PLAC1: variants seen among roughly 807,000 people sequenced by gnomAD.
The protein encoded by PLAC1 is placenta associated 1.
For missense variants in PLAC1, 136 were observed against 163.2 expected (o/e 0.83, Z 0.91); for synonymous variants, 68 against 62.1 (o/e 1.09, Z -0.44).
At chrX:134,630,839 A>G (rs1359868645) in intron 1 of PLAC1, among the ~76,000 whole-genome samples, 1 of 111,964 alleles carries the variant, frequency 8.9e-6, no homozygotes, top group Non-Finnish European at 1.9e-5. Flanking sequence ...GAATGGTGCA[A>G]ATCAATCACC....
At chrX:134,591,465 T>C (rs2078038964) in intron 2 of PLAC1, among the ~76,000 whole-genome samples, 1 of 112,437 alleles carries the variant, frequency 8.9e-6, no homozygotes. Context: ...ATTTTGGCAC[T>C]CAAGGTAATA....
upstream of PLAC1, among the ~76,000 whole-genome samples, chrX:134,658,751 G>A (rs759706854): frequency 3.6e-5 from 4 of 111,947 alleles, no homozygotes; most frequent in African/African-American, 6.5e-5. Flanking sequence ...GAAGAAGGGC[G>A]GGGAGGAGGG....
chrX:134,682,529 G>A (rs2078501644), intron 2 of PLAC1, among the ~76,000 whole-genome samples: 1 of 110,344 alleles, frequency 9.1e-6, no homozygotes, highest in African/African-American at 3.3e-5. Flanking sequence ...TGCCATGGGT[G>A]TCTCAAGTAC....
chrX:134,650,581 G>A (rs2078357440), intron 1 of PLAC1, among the ~76,000 whole-genome samples: 1 of 111,935 alleles, frequency 8.9e-6, no homozygotes, highest in Non-Finnish European at 1.9e-5. Context: ...CTCCAGGTCT[G>A]TCGTGTCCAC....
At chrX:134,652,444 T>C (rs2078368225) in intron 1 of PLAC1, among the ~76,000 whole-genome samples, 1 of 112,247 alleles carries the variant, frequency 8.9e-6, no homozygotes, top group South Asian at 3.7e-4. Context: ...AGGTGAGTGG[T>C]GCAGCTGGCC....
At chrX:134,607,350 T>A in intron 1 of PLAC1, 1 of 144,132 alleles carries the variant, frequency 6.9e-6, no homozygotes, top group Non-Finnish European at 1.4e-5. Flanking sequence ...GCCTACATTG[T>A]TACCCAGTGT....
intron 1 of PLAC1, among the ~76,000 whole-genome samples, chrX:134,756,146 C>T (rs779226157): frequency 9.0e-4 from 100 of 110,638 alleles, no homozygotes; most frequent in Non-Finnish European, 1.6e-3. Context: ...CCACCACGCC[C>T]GGCCTTCATC....
At chrX:134,596,742 G>A (rs1346482677) in intron 2 of PLAC1, among the ~76,000 whole-genome samples, 1 of 110,151 alleles carries the variant, frequency 9.1e-6, no homozygotes. Flanking sequence ...GACTACAGGT[G>A]TGCACCACCA....
At chrX:134,585,287 C>T (rs762136434) in intron 2 of PLAC1, among the ~76,000 whole-genome samples, 1 of 108,413 alleles carries the variant, frequency 9.2e-6, no homozygotes, top group Non-Finnish European at 1.9e-5. Flanking sequence ...GTGGAGGTTG[C>T]AGTGAGCTGA....
At chrX:134,669,121 G>A (rs1037529873) in intron 2 of PLAC1, among the ~76,000 whole-genome samples, 1 of 111,844 alleles carries the variant, frequency 8.9e-6, no homozygotes, top group African/African-American at 3.3e-5. Context: ...GTTATTAGGG[G>A]TTACCTCTTT....
At chrX:134,733,137 T>G (rs1244550419) in intron 2 of PLAC1, among the ~76,000 whole-genome samples, 1 of 111,502 alleles carries the variant, frequency 9.0e-6, no homozygotes, top group Non-Finnish European at 1.9e-5. Context: ...AGGAAGAGCC[T>G]GAGAAACCAT....
At chrX:134,742,690 G>A (rs765224869) in intron 1 of PLAC1, among the ~76,000 whole-genome samples, 19 of 111,326 alleles carry the variant, frequency 1.7e-4, no homozygotes, top group Non-Finnish European at 3.2e-4. Flanking sequence ...TAAAGTTTTG[G>A]CAATGGTCTC....
chrX:134,566,036 C>G lies in PLAC1; in HGVS notation c.*8G>C, dbSNP rs1437245475. ...AATAGCATCTTCAGGAGACCCCAAA[C>G]CTGAGGATCACATGGACCCAATCAT... On this transcript the variant is annotated 3_prime_UTR_variant, in exon 3 of 3. Coordinates refer to ENST00000359237, the MANE Select transcript of PLAC1 (RefSeq NM_021796.4). The G allele has an allele frequency of 9.2e-6, 11 of 1,197,942 alleles. No individual in the cohort carries two copies. The highest frequency in any genetic ancestry group is 1.2e-5 in the Non-Finnish European group (11 of 885,263).
chrX:134,611,779 G>A (rs1238462915), intron 1 of PLAC1, among the ~76,000 whole-genome samples: 1 of 110,780 alleles, frequency 9.0e-6, no homozygotes, highest in East Asian at 2.8e-4. Flanking sequence ...AAAGGCACGA[G>A]ACACAAGGCA....
At chrX:134,662,841 A>G (rs1021856267), upstream of PLAC1, among the ~76,000 whole-genome samples, 1 of 111,862 alleles carries the variant, frequency 8.9e-6, no homozygotes, top group Non-Finnish European at 1.9e-5. Context: ...AGGCAGGAGA[A>G]TTGCTTGAAC....
intron 2 of PLAC1, among the ~76,000 whole-genome samples, chrX:134,567,793 G>A (rs1417283937): frequency 4.5e-5 from 4 of 88,901 alleles, no homozygotes; most frequent in Non-Finnish European, 8.8e-5. Context: ...AGAAAAGAAA[G>A]GAAAGAAAGA....
At chrX:134,721,807 G>C (rs148658929) in intron 2 of PLAC1, among the ~76,000 whole-genome samples, 1,881 of 109,650 alleles carry the variant, frequency 0.017, 11 homozygotes, top group Middle Eastern at 0.034. Context: ...AGGTTGCAGT[G>C]AGCCGAGATC....
chrX:134,601,297 T>C (rs751479293), intron 2 of PLAC1, among the ~76,000 whole-genome samples: 2 of 112,535 alleles, frequency 1.8e-5, no homozygotes. Flanking sequence ...ATTTTAAATA[T>C]TGCCACAATG....
rs775318455 is a variant in PLAC1, at chrX:134,583,655, A to G, written c.-58-16915T>C. 1.5e-4 allele frequency among the ~76,000 whole-genome samples: 17 copies of G among 110,668 alleles called. No homozygotes were observed. The South Asian group carries it at 6.7e-3, about 43-fold the overall frequency. On this transcript the variant is annotated intron_variant, in intron 2 of 2. Coordinates refer to ENST00000359237, the MANE Select transcript of PLAC1 (RefSeq NM_021796.4). ...GCACGTACAGGGCCTGGCACAGAGCAAGTGTCCAATCAATGGGAGCTATAG... is the reference window on the plus strand; with the variant it reads ...GCACGTACAGGGCCTGGCACAGAGCGAGTGTCCAATCAATGGGAGCTATAG...
Sources: gnomAD v4.1 joint callset for allele counts (sites outside exome capture counted in the v4.1 genomes callset) on GRCh38, gnomAD v4.1.1 for gene constraint, MANE v1.5 for transcripts, NCBI Gene and HGNC (gene_info 2026-07-23, HGNC 2026-07-21) for gene names.